The following SPECC1 variants were observed in gnomAD, a reference collection of about 807,000 sequenced individuals.
SPECC1 encodes cytospin-B.
SPECC1 carries 62 observed loss-of-function variants against 104.1 expected under a neutral mutation model. The observed-to-expected ratio is 0.60, with a 90% CI of 0.49 to 0.74. The LOEUF (loss-of-function observed/expected upper bound fraction) is 0.74, where lower values mean the gene tolerates loss of function less well. Among genes scored for constraint, SPECC1 ranks in the 30% least tolerant of loss-of-function variants. SPECC1 has a pLI of 0.00. For missense variants in SPECC1, 1,306 were observed against 1,310.5 expected (o/e 1.00, Z 0.05); for synonymous variants, 513 against 501.6 (o/e 1.02, Z -0.30).
chr17:20,291,116 G>A (rs2041148232), intron 12 of SPECC1, among the ~76,000 whole-genome samples: 1 of 152,228 alleles, frequency 6.6e-6, no homozygotes, highest in East Asian at 1.9e-4. Context: ...GCATTCACCA[G>A]TGCAGAGAGC....
intron 1 of SPECC1, among the ~76,000 whole-genome samples, chr17:20,047,819 G>A (rs1215738086): frequency 1.3e-5 from 2 of 151,668 alleles, no homozygotes; most frequent in Non-Finnish European, 2.9e-5. Context: ...GGATGGTCTC[G>A]ATCTCCTGAC....
At chr17:20,048,961 A>G (rs1188244096) in intron 1 of SPECC1, among the ~76,000 whole-genome samples, 1 of 152,172 alleles carries the variant, frequency 6.6e-6, no homozygotes, top group Non-Finnish European at 1.5e-5. Flanking sequence ...AATATATTAC[A>G]GTATATAAAA....
chr17:20,263,146 T>G (rs1284935594), intron 12 of SPECC1, among the ~76,000 whole-genome samples: 1 of 151,410 alleles, frequency 6.6e-6, no homozygotes, highest in Non-Finnish European at 1.5e-5. Flanking sequence ...GGAAGGCCTC[T>G]TGGTTACAGC....
intron 7 of SPECC1, chr17:20,238,064 G>A (rs1304064435): frequency 9.8e-7 from 1 of 1,024,040 alleles, no homozygotes; most frequent in East Asian, 6.4e-5. Context: ...TCTTGATTGA[G>A]CCCCTTCACT....
chr17:20,110,019 T>TG (rs2048405471), intron 2 of SPECC1, among the ~76,000 whole-genome samples: 1 of 152,024 alleles, frequency 6.6e-6, no homozygotes. Context: ...AAAAAAAATA[T>TG]TAGCGAGACA....
At chr17:20,021,669 A>ATG (rs2044380647) in intron 1 of SPECC1, among the ~76,000 whole-genome samples, 1 of 143,742 alleles carries the variant, frequency 7.0e-6, no homozygotes, top group Non-Finnish European at 1.5e-5. Context: ...TGATATATAT[A>ATG]TATATAATAT....
chr17:20,309,957 A>G (rs1402714010), intron 14 of SPECC1, among the ~76,000 whole-genome samples: 2 of 151,446 alleles, frequency 1.3e-5, no homozygotes, highest in Non-Finnish European at 2.9e-5. Context: ...AGCTGGGATT[A>G]TAGGCACGCA....
intron 9 of SPECC1, among the ~76,000 whole-genome samples, chr17:20,250,466 G>T (rs973060126): frequency 1.3e-5 from 2 of 152,088 alleles, no homozygotes; most frequent in African/African-American, 2.4e-5. Flanking sequence ...AATAGTAAGA[G>T]AATATTATAT....
chr17:20,048,104 T>C (rs2152458636), intron 1 of SPECC1, among the ~76,000 whole-genome samples: 1 of 152,132 alleles, frequency 6.6e-6, no homozygotes, highest in South Asian at 2.1e-4. Flanking sequence ...TGAGATAAAT[T>C]TGAATACGGC....
intron 7 of SPECC1, chr17:20,237,670 T>C (rs571376336): frequency 9.7e-4 from 190 of 195,928 alleles, no homozygotes; most frequent in African/African-American, 4.1e-3. Flanking sequence ...TTGATCGTGG[T>C]GTCTGATCAT....
chr17:20,101,170 G>A (rs1160664197), intron 2 of SPECC1, among the ~76,000 whole-genome samples: 1 of 152,058 alleles, frequency 6.6e-6, no homozygotes, highest in Non-Finnish European at 1.5e-5. Context: ...TATTCCGTTG[G>A]GTATATACCC....
chr17:20,219,156 GGT>G, intron 4 of SPECC1, among the ~76,000 whole-genome samples: 1 of 152,176 alleles, frequency 6.6e-6, no homozygotes, highest in Middle Eastern at 3.4e-3. Context: ...CTTTCTTTTG[GGT>G]GTATACCCAG....
At chr17:20,298,118 G>A (rs2041416611) in intron 13 of SPECC1, among the ~76,000 whole-genome samples, 2 of 152,104 alleles carry the variant, frequency 1.3e-5, no homozygotes, top group South Asian at 2.1e-4. Flanking sequence ...TTGGGAGGCC[G>A]AAGCGGGTGG....
chr17:20,173,316 G>GT (rs1165150099), intron 3 of SPECC1, among the ~76,000 whole-genome samples: 1 of 152,168 alleles, frequency 6.6e-6, no homozygotes, highest in African/African-American at 2.4e-5. Context: ...TCCCAAAGAA[G>GT]TTTCTCTCCA....
chr17:20,099,511 CAAAAAA>C (rs56285234), intron 2 of SPECC1, among the ~76,000 whole-genome samples: 40,271 of 91,486 alleles, frequency 0.44, 8,257 homozygotes, highest in Middle Eastern at 0.58. Flanking sequence ...TGTCTTTACC[CAAAAAA>C]AAAAAAAAAA....
intron 10 of SPECC1, among the ~76,000 whole-genome samples, chr17:20,254,224 CA>C: frequency 6.7e-6 from 1 of 149,074 alleles, no homozygotes; most frequent in Middle Eastern, 3.5e-3. Flanking sequence ...GTGGAGGTTG[CA>C]TTCAGCAGTC....
At chr17:20,048,798 G>C (rs997660296) in intron 1 of SPECC1, among the ~76,000 whole-genome samples, 1 of 151,862 alleles carries the variant, frequency 6.6e-6, no homozygotes, top group African/African-American at 2.4e-5. Flanking sequence ...AGGCTGAGGT[G>C]GGAGGATTGC....
rs528533699 is a variant in SPECC1, at chr17:20,245,593, A to G, written c.2352-333A>G. Among the ~76,000 whole-genome samples, 264 of 152,262 alleles carry G rather than the reference A, an allele frequency of 1.7e-3. 1 individual carries two copies. Among genetic ancestry groups the G allele is most frequent in the Non-Finnish European group, 3.0e-3 (205 of 68,006 alleles). On this transcript the variant is annotated intron_variant, in intron 7 of 14. Coordinates refer to ENST00000395527, the MANE Select transcript of SPECC1 (RefSeq NM_001243439.2). Reference sequence around the variant, plus strand: ...ACCATTGACAGTAGGTGAAATATTTATGGTCAATAACATTTGCATTTTTTC... The same window carrying G: ...ACCATTGACAGTAGGTGAAATATTTGTGGTCAATAACATTTGCATTTTTTC...
chr17:20,030,056 T>C (rs960309594), intron 1 of SPECC1, among the ~76,000 whole-genome samples: 6 of 152,210 alleles, frequency 3.9e-5, no homozygotes, highest in African/African-American at 1.4e-4. Context: ...CATGGCCCTG[T>C]ACTCACCTTG....
Sources: gnomAD v4.1 joint callset for allele counts (sites outside exome capture counted in the v4.1 genomes callset) on GRCh38, gnomAD v4.1.1 for gene constraint, MANE v1.5 for transcripts, NCBI Gene and HGNC (gene_info 2026-07-23, HGNC 2026-07-21) for gene names.